The following PICALM variants were observed in gnomAD, a reference collection of about 807,000 sequenced individuals.
The protein encoded by PICALM is phosphatidylinositol binding clathrin assembly protein.
A neutral mutation model predicts 80.5 loss-of-function variants in PICALM; 40 were observed. The ratio of observed to expected loss-of-function variants is 0.50; its 90% CI spans 0.39 to 0.65. The LOEUF (loss-of-function observed/expected upper bound fraction) is 0.65. Ranked by LOEUF, PICALM falls within the 30% of genes least tolerant of loss-of-function variation. The pLI is 0.00. For synonymous variants in PICALM, 288 were observed against 260.3 expected, an observed-to-expected ratio of 1.11 and a Z score of -1.02; for missense variants, 676 against 778.9, an observed-to-expected ratio of 0.87 and a Z score of 1.57.
intron 1 of PICALM, among the ~76,000 whole-genome samples, chr11:86,043,120 T>A (rs2096004453): frequency 1.3e-5 from 2 of 152,160 alleles, no homozygotes; most frequent in Admixed American, 1.3e-4. Flanking sequence ...ATATTACACA[T>A]CACCTTAGTT....
At chr11:86,023,470 A>G (rs2095600251) in intron 3 of PICALM, 1 of 985,130 alleles carries the variant, frequency 1.0e-6, no homozygotes, top group East Asian at 1.1e-4. Flanking sequence ...TCTTCGGTTC[A>G]TATGGTTCTA....
At chr11:86,016,290 C>A (rs1446251893) in intron 4 of PICALM, among the ~76,000 whole-genome samples, 1 of 152,172 alleles carries the variant, frequency 6.6e-6, no homozygotes, top group Non-Finnish European at 1.5e-5. Context: ...ACCACATCAT[C>A]CTAGCCCCAC....
At chr11:85,992,189 T>C (rs965584595) in intron 12 of PICALM, among the ~76,000 whole-genome samples, 5 of 151,918 alleles carry the variant, frequency 3.3e-5, no homozygotes, top group South Asian at 4.2e-4. Context: ...AGCTAATATA[T>C]ATACTGATGG....
chr11:85,975,288 TTATTTCA>T (rs1465269802), intron 18 of PICALM, among the ~76,000 whole-genome samples: 1 of 144,220 alleles, frequency 6.9e-6, no homozygotes, highest in African/African-American at 2.5e-5. Flanking sequence ...TTCTTCCATT[TTATTTCA>T]TATAAGAATC....
intron 19 of PICALM, among the ~76,000 whole-genome samples, chr11:85,968,594 C>T (rs536899527): frequency 7.0e-4 from 107 of 152,278 alleles, no homozygotes; most frequent in Non-Finnish European, 1.1e-3. Context: ...TGCTTAATAA[C>T]ATAATAGCTG....
At chr11:86,062,844 G>C (rs550697126) in intron 1 of PICALM, among the ~76,000 whole-genome samples, 7 of 152,274 alleles carry the variant, frequency 4.6e-5, no homozygotes, top group Non-Finnish European at 8.8e-5. Flanking sequence ...GTATAAAGCA[G>C]TTTAACTGGG....
chr11:86,045,488 A>G, intron 1 of PICALM, among the ~76,000 whole-genome samples: 1 of 134,354 alleles, frequency 7.4e-6, no homozygotes, highest in East Asian at 2.5e-4. Flanking sequence ...ACTCCAGCCT[A>G]GGCAACATAG....
chr11:86,015,330 A>T (rs941676367), intron 4 of PICALM, among the ~76,000 whole-genome samples: 9 of 152,200 alleles, frequency 5.9e-5, no homozygotes, highest in Non-Finnish European at 1.3e-4. Context: ...TAAAATTACA[A>T]ATAAAATAAT....
intron 19 of PICALM, among the ~76,000 whole-genome samples, chr11:85,961,951 T>C (rs2093703605): frequency 6.6e-6 from 1 of 152,154 alleles, no homozygotes; most frequent in Admixed American, 6.5e-5. Flanking sequence ...ATCACTAGTA[T>C]ATGCAACTTG....
chr11:85,965,815 G>GTTTTTT (rs914561533), intron 19 of PICALM, among the ~76,000 whole-genome samples: 44 of 108,148 alleles, frequency 4.1e-4, no homozygotes, highest in East Asian at 1.2e-3. Context: ...TTGTTTTTTT[G>GTTTTTT]TTTTTTTTTT....
At chr11:85,974,943 A>AT in intron 18 of PICALM, 131 bp from the exon 19 acceptor site, 1 of 666,440 alleles carries the variant, frequency 1.5e-6, no homozygotes, top group Non-Finnish European at 2.7e-6. Context: ...TCCTCTGAAT[A>AT]TAAGTAAGAC....
At chr11:86,035,959 A>AAG (rs1358960670) in intron 1 of PICALM, among the ~76,000 whole-genome samples, 7 of 150,694 alleles carry the variant, frequency 4.6e-5, no homozygotes, top group South Asian at 2.1e-4. Flanking sequence ...AAAAAAAAAA[A>AAG]AAAAAAGAAA....
In PICALM at chr11:86,037,760, G is replaced by A. The variant is rs376034210; in HGVS notation, c.131-6149C>T. On this transcript the variant is annotated intron_variant, in intron 1 of 19. Coordinates refer to ENST00000393346, the MANE Select transcript of PICALM (RefSeq NM_007166.4). Reference sequence around the variant, plus strand: ...ATATATTGTATTTGCCCAAATACAAGGTGATGCATACACAATCGAACACTT... The same window carrying A: ...ATATATTGTATTTGCCCAAATACAAAGTGATGCATACACAATCGAACACTT... Among the ~76,000 whole-genome samples, 148 of 151,754 alleles carry A rather than the reference G, an allele frequency of 9.8e-4. 1 individual carries two copies. Among genetic ancestry groups the A allele is most frequent in the African/African-American group, 3.4e-3 (139 of 41,406 alleles).
intron 11 of PICALM, among the ~76,000 whole-genome samples, chr11:85,998,557 C>T (rs928051427): frequency 7.2e-5 from 11 of 151,906 alleles, no homozygotes; most frequent in African/African-American, 2.4e-4. Context: ...CTTTGGGAGG[C>T]TGAGGCGTGC....
Position 86,018,690 on chromosome 11 carries a change from A to T in PICALM, c.452+3677T>A, listed in dbSNP as rs1284010091. ...GCTCACTTGAGGTCAGGAGCTCAAG[A>T]TCAGCCTGGCCAACATGGCAAAACC... On this transcript the variant is annotated intron_variant, in intron 4 of 19. Coordinates refer to ENST00000393346, the MANE Select transcript of PICALM (RefSeq NM_007166.4). 2.6e-5 allele frequency among the ~76,000 whole-genome samples: 4 copies of T among 152,238 alleles called. No homozygotes were observed. In the East Asian group the frequency reaches 7.7e-4, roughly 29 times the overall value.
At chr11:85,990,496 ATAT>A (rs1280593349) in intron 12 of PICALM, 97 bp from the exon 13 acceptor site, 1 of 594,822 alleles carries the variant, frequency 1.7e-6, no homozygotes, top group Non-Finnish European at 2.6e-6. Context: ...AGTAGTAACT[ATAT>A]TATTGTTTAT....
intron 1 of PICALM, among the ~76,000 whole-genome samples, chr11:86,048,132 G>A (rs968768369): frequency 4.6e-5 from 7 of 152,138 alleles, no homozygotes; most frequent in African/African-American, 1.2e-4. Context: ...CTCCTGATGC[G>A]AAGCAATGGT....
At chr11:85,962,760 A>C (rs1592275902) in intron 19 of PICALM, among the ~76,000 whole-genome samples, 1 of 152,358 alleles carries the variant, frequency 6.6e-6, no homozygotes, top group East Asian at 1.9e-4. Context: ...ACATCCCTGG[A>C]ATAAGTTTCT....
intron 8 of PICALM, among the ~76,000 whole-genome samples, chr11:86,004,905 C>A (rs995553435): frequency 6.6e-6 from 1 of 152,146 alleles, no homozygotes; most frequent in Non-Finnish European, 1.5e-5. Context: ...CATACACTTT[C>A]AAACAGCCCC....
Sources: gnomAD v4.1 joint callset for allele counts (sites outside exome capture counted in the v4.1 genomes callset) on GRCh38, gnomAD v4.1.1 for gene constraint, MANE v1.5 for transcripts, NCBI Gene and HGNC (gene_info 2026-07-23, HGNC 2026-07-21) for gene names.